HS3ST1: variants seen among roughly 807,000 people sequenced by gnomAD.
HS3ST1 encodes heparan sulfate glucosamine 3-O-sulfotransferase 1.
Under a neutral mutation model 20.7 loss-of-function variants are expected in HS3ST1, and 8 were observed. The observed-to-expected ratio is 0.39, with a 90% CI of 0.23 to 0.70. The LOEUF (loss-of-function observed/expected upper bound fraction) is 0.70, where lower values mean the gene tolerates loss of function less well. HS3ST1 is among the 30% of genes least tolerant of loss of function. The probability of loss-of-function intolerance (pLI) is 0.46; values close to 1 mark genes in which losing one functional copy is unlikely to be tolerated. For missense variants in HS3ST1, 436 were observed against 423.4 expected (o/e 1.03, Z -0.26); for synonymous variants, 205 against 190.4 (o/e 1.08, Z -0.63).
intron 1 of HS3ST1, among the ~76,000 whole-genome samples, chr4:11,413,811 G>A (rs1718697571): frequency 1.3e-5 from 2 of 152,030 alleles, no homozygotes; most frequent in East Asian, 3.9e-4. Context: ...AAACCATTTT[G>A]GTCTTATTCA....
At chr4:11,418,903 G>T (rs1328909094) in intron 1 of HS3ST1, among the ~76,000 whole-genome samples, 6 of 152,080 alleles carry the variant, frequency 3.9e-5, no homozygotes, top group Non-Finnish European at 8.8e-5. Flanking sequence ...TTTCTAGTTG[G>T]AACACTACAG....
chr4:11,429,530 C>G (rs1002259564), upstream of HS3ST1: 1 of 152,036 alleles, frequency 6.6e-6, no homozygotes, highest in South Asian at 2.1e-4. Flanking sequence ...GGGCCAGAAT[C>G]CGCGTGAGGA....
chr4:11,431,676 A>T (rs1233217388), upstream of HS3ST1, among the ~76,000 whole-genome samples: 2 of 152,220 alleles, frequency 1.3e-5, no homozygotes, highest in African/African-American at 4.8e-5. Flanking sequence ...TCTAAAGAAG[A>T]TAAAGGCTCA....
At chr4:11,402,882 G>A (rs997699421) in intron 1 of HS3ST1, among the ~76,000 whole-genome samples, 2 of 152,208 alleles carry the variant, frequency 1.3e-5, no homozygotes, top group African/African-American at 4.8e-5. Context: ...CAGTAGAGAA[G>A]AAACTAAATA....
intron 1 of HS3ST1, 23 bp from the exon 2 acceptor site, chr4:11,400,136 A>G (rs1718283682): frequency 7.0e-7 from 1 of 1,422,930 alleles, no homozygotes; most frequent in Non-Finnish European, 9.2e-7. Context: ...AAGGGAAGAT[A>G]TTAACATATA....
At chr4:11,427,988 C>G (rs1027617721) in intron 1 of HS3ST1, among the ~76,000 whole-genome samples, 1 of 152,212 alleles carries the variant, frequency 6.6e-6, no homozygotes, top group African/African-American at 2.4e-5. Flanking sequence ...TCTAGGCGTT[C>G]CAACCGCGGG....
In HS3ST1 at chr4:11,399,547, C is replaced by A. The variant is rs566542208; in HGVS notation, c.459G>T (p.Val153=). 3.1e-6 allele frequency: 5 copies of A among 1,613,774 alleles called. No individual in the cohort carries two copies. Among genetic ancestry groups the A allele is most frequent in the Non-Finnish European group, 4.2e-6 (5 of 1,180,042 alleles). The change falls in exon 2 of 2, where the codon GTG becomes GTT. Residue 153 remains valine (V), a synonymous_variant. Transcript: ENST00000002596. The surrounding 1 kb of genome is among the most constrained non-coding windows in gnomAD (Gnocchi z 5.1). ...AGAACACTTGGGTGTAGTCAGATAG[C>A]ACGCGCTCCGACGGGTCTCGCAGGA... ...LLILRDPSER[V]LSDYTQVFYN...
At chr4:11,421,017 T>C (rs899339266) in intron 1 of HS3ST1, among the ~76,000 whole-genome samples, 12 of 152,238 alleles carry the variant, frequency 7.9e-5, no homozygotes, top group African/African-American at 2.7e-4. Flanking sequence ...CTTTTTAGTA[T>C]CTGAGACATA....
rs561595720 is a variant in HS3ST1, at chr4:11,420,478, C to G, written c.-109+8221G>C. Among the ~76,000 whole-genome samples the G allele has an allele frequency of 4.6e-5, 7 of 152,284 alleles. No individual in the cohort carries two copies. In the South Asian group the frequency reaches 1.5e-3, roughly 32 times the overall value. ...TGAGTTTTCAAAGCACAAAGTATCC[C>G]TTCAGTGTACTCAGTGGAACGCTGT... is the stretch of plus-strand genomic sequence containing the variant. On this transcript the variant is annotated intron_variant, in intron 1 of 1. Transcript: ENST00000002596.
chr4:11,426,558 A>G (rs1286701657), intron 1 of HS3ST1, among the ~76,000 whole-genome samples: 3 of 152,212 alleles, frequency 2.0e-5, no homozygotes, highest in Non-Finnish European at 4.4e-5. Context: ...CCAGCTTCTC[A>G]GAACAAAAAT....
intron 1 of HS3ST1, among the ~76,000 whole-genome samples, chr4:11,415,305 C>G (rs12512219): frequency 0.14 from 22,017 of 152,192 alleles, 1,694 homozygotes; most frequent in South Asian, 0.22. Flanking sequence ...CTTGAAGAAG[C>G]TATTTTTCAC....
At chr4:11,411,561 G>C (rs956761272) in intron 1 of HS3ST1, among the ~76,000 whole-genome samples, 3 of 152,056 alleles carry the variant, frequency 2.0e-5, no homozygotes, top group African/African-American at 7.2e-5. Flanking sequence ...TAAATGCCAT[G>C]TAATCTATCC....
At position 11,397,411 on chromosome 4, in the gene HS3ST1, T is replaced by G. The variant is rs977074881; in HGVS notation, c.*1671A>C. On this transcript the variant is annotated 3_prime_UTR_variant, in exon 2 of 2. Coordinates refer to ENST00000002596, the MANE Select transcript of HS3ST1 (RefSeq NM_005114.4). ...AACACTGCTGAGAAAAATGCAGGCT[T>G]CTTCTTGCCCTTCCTGTATCTGGGA... The G allele has an allele frequency of 1.3e-5, 2 of 152,354 alleles. No individual in the cohort carries two copies. The highest frequency in any genetic ancestry group is 2.9e-5 in the Non-Finnish European group (2 of 68,142). The allele number at this position is 152,354 out of a possible 1,614,324, so 9.4% of individuals were successfully genotyped here.
chr4:11,410,044 A>C, intron 1 of HS3ST1, among the ~76,000 whole-genome samples: 1 of 152,218 alleles, frequency 6.6e-6, no homozygotes, highest in East Asian at 1.9e-4. Context: ...AGTGAAGAAA[A>C]GGAAAAAATA....
chr4:11,412,426 A>T (rs1169273110), intron 1 of HS3ST1, among the ~76,000 whole-genome samples: 8 of 152,222 alleles, frequency 5.3e-5, no homozygotes, highest in African/African-American at 1.7e-4. Context: ...TTTCAAGAGA[A>T]TTTTCCAAGA....
chr4:11,427,735 C>T (rs990958806), intron 1 of HS3ST1, among the ~76,000 whole-genome samples: 11 of 152,162 alleles, frequency 7.2e-5, no homozygotes, highest in Admixed American at 5.9e-4. Flanking sequence ...AGACCTATAG[C>T]GCCTATAACT....
chr4:11,433,360 A>G (rs1468587822), upstream of HS3ST1, among the ~76,000 whole-genome samples: 1 of 152,204 alleles, frequency 6.6e-6, no homozygotes, highest in East Asian at 1.9e-4. Flanking sequence ...AAAAAAGCTT[A>G]TAGTCTATGG....
upstream of HS3ST1, among the ~76,000 whole-genome samples, chr4:11,434,123 G>A (rs1560241044): frequency 1.3e-5 from 2 of 152,126 alleles, no homozygotes; most frequent in Non-Finnish European, 2.9e-5. Context: ...GCCACAAGAA[G>A]TCTCTTACAC....
upstream of HS3ST1, among the ~76,000 whole-genome samples, chr4:11,430,568 G>T (rs566978366): frequency 6.6e-6 from 1 of 152,294 alleles, no homozygotes; most frequent in South Asian, 2.1e-4. Context: ...AAGTTGGTAT[G>T]ATTACTTTTT....
Sources: gnomAD v4.1 joint callset for allele counts (sites outside exome capture counted in the v4.1 genomes callset) on GRCh38, gnomAD v4.1.1 for gene constraint, Gnocchi (gnomAD v3.1) non-coding constraint, MANE v1.5 for transcripts, NCBI Gene and HGNC (gene_info 2026-07-23, HGNC 2026-07-21) for gene names.